CES5A: variants seen among roughly 807,000 people sequenced by gnomAD.
CES5A encodes carboxylesterase 5A.
Under a neutral mutation model 62.9 loss-of-function variants are expected in CES5A, and 67 were observed. The ratio of observed to expected loss-of-function variants is 1.07; its 90% CI spans 0.88 to 1.31. The LOEUF is 1.31. Among genes scored for constraint, CES5A ranks in the 50% most tolerant of loss-of-function variants. The pLI is 0.00. For missense variants in CES5A, 748 were observed against 708.5 expected, an observed-to-expected ratio of 1.06 and a Z score of -0.63; for synonymous variants, 296 against 280.8, an observed-to-expected ratio of 1.05 and a Z score of -0.54.
chr16:55,908,695 A>C (rs953310949), intron 1 of CES5A, among the ~76,000 whole-genome samples: 4 of 152,174 alleles, frequency 2.6e-5, no homozygotes, highest in Admixed American at 1.3e-4. Context: ...AGTCCACACT[A>C]ATCTTTCCCT....
At chr16:55,870,164 G>A (rs1253745936) in intron 3 of CES5A, among the ~76,000 whole-genome samples, 1 of 152,094 alleles carries the variant, frequency 6.6e-6, no homozygotes, top group African/African-American at 2.4e-5. Flanking sequence ...GTGACCCACG[G>A]GAAGATGGAA....
Position 55,955,166 on chromosome 16 carries a change from TGA to T in CES5A, c.42+676_42+677del, listed in dbSNP as rs1483709542. 6.6e-5 allele frequency among the ~76,000 whole-genome samples: 10 copies of T among 152,266 alleles called. No homozygotes were observed. The East Asian group carries it at 1.7e-3, about 27-fold the overall frequency. On this transcript the variant is annotated intron_variant, in intron 1 of 13. Coordinates refer to the CES5A transcript ENST00000521992. ...AGTGTACACCAAAGAAATCAGAACA[TGA>T]GAACCGCAAGAGGCTACCAAAGTCA...
intron 1 of CES5A, among the ~76,000 whole-genome samples, chr16:55,920,991 A>G (rs1277831258): frequency 7.9e-5 from 12 of 152,232 alleles, no homozygotes; most frequent in Admixed American, 7.8e-4. Flanking sequence ...AATTCATTAG[A>G]AGCTCTTCTC....
rs188414494 is a variant in CES5A, at chr16:55,865,559, C to T, written c.705+404G>A. On this transcript the variant is annotated intron_variant, in intron 5 of 12. Coordinates refer to ENST00000290567, the MANE Select transcript of CES5A (RefSeq NM_001143685.2). ...TGCAAACATAAGGCCCTGTATCAAA[C>T]TGTTGGTGAGGGAATATACATTTTA... is the stretch of plus-strand genomic sequence containing the variant. Among the ~76,000 whole-genome samples the T allele has an allele frequency of 4.3e-4, 66 of 152,276 alleles. 1 individual carries two copies. The South Asian group carries it at 7.9e-3, about 18-fold the overall frequency.
upstream of CES5A, among the ~76,000 whole-genome samples, chr16:55,926,001 A>T (rs1463469275): frequency 1.3e-5 from 2 of 152,144 alleles, no homozygotes; most frequent in Admixed American, 6.5e-5. Context: ...AGAGAAGTTG[A>T]TTAATAAGTA....
chr16:55,929,570 A>G (rs1002557777), upstream of CES5A, among the ~76,000 whole-genome samples: 1 of 152,358 alleles, frequency 6.6e-6, no homozygotes, highest in Middle Eastern at 3.4e-3. Flanking sequence ...GCCAGGCCCA[A>G]CATTTATGGA....
At chr16:55,914,588 C>T (rs966869009) in intron 1 of CES5A, among the ~76,000 whole-genome samples, 1 of 152,148 alleles carries the variant, frequency 6.6e-6, no homozygotes, top group African/African-American at 2.4e-5. Flanking sequence ...GCTAAGGACA[C>T]CCAGGGTTCT....
chr16:55,948,268 G>C (rs2034518104), intron 2 of CES5A, among the ~76,000 whole-genome samples: 1 of 152,100 alleles, frequency 6.6e-6, no homozygotes. Context: ...GGAAAAAAAA[G>C]AGGGAGGATA....
chr16:55,888,563 C>T lies in CES5A; in HGVS notation c.-255-14526G>A, dbSNP rs547792737. 3.9e-5 allele frequency among the ~76,000 whole-genome samples: 6 copies of T among 152,324 alleles called. No homozygotes were observed. The South Asian group carries it at 1.0e-3, about 26-fold the overall frequency. ...CATCCACTACCCTGTCTCATGTTCC[C>T]TTATTCCCTTATTCCTGGGATTGTC... On this transcript the variant is annotated intron_variant, in intron 1 of 12. Transcript: ENST00000518005.
chr16:55,859,586 G>A lies in CES5A; in HGVS notation c.1017C>T (p.Ile339=), dbSNP rs776403680. Residue 339 remains isoleucine (I), a synonymous_variant, in exon 8 of 13, where the codon ATC becomes ATT. Transcript: ENST00000290567. ...AGCCACACTCGTGGTTATTGACTCCGATGATGGAAGGAATTGCTTTAAATG... is the reference window on the plus strand; with the variant it reads ...AGCCACACTCGTGGTTATTGACTCCAATGATGGAAGGAATTGCTTTAAATG... ...QKAFKAIPSI[I]GVNNHECGFL... 3.0e-5 allele frequency: 49 copies of A among 1,613,610 alleles called. No individual in the cohort carries two copies. The East Asian group carries it at 5.6e-4, about 18-fold the overall frequency.
upstream of CES5A, among the ~76,000 whole-genome samples, chr16:55,928,120 A>G (rs574935650): frequency 2.0e-4 from 31 of 152,094 alleles, no homozygotes; most frequent in African/African-American, 6.7e-4. Flanking sequence ...GCAGGTGCCT[A>G]TAGTCCCAGC....
intron 7 of CES5A, among the ~76,000 whole-genome samples, chr16:55,860,451 G>A (rs796160213): frequency 7.3e-6 from 1 of 136,154 alleles, no homozygotes; most frequent in South Asian, 2.3e-4. Context: ...TCTGGGGTTG[G>A]GGTGTATAGC....
chr16:55,851,204 CCGGCA>C (rs2033125514), intron 10 of CES5A, among the ~76,000 whole-genome samples: 1 of 151,940 alleles, frequency 6.6e-6, no homozygotes, highest in East Asian at 1.9e-4. Context: ...AGAAGGCAAC[CCGGCA>C]ACCCACAGAA....
At chr16:55,940,790 TAAA>T (rs147063205) in intron 2 of CES5A, among the ~76,000 whole-genome samples, 2 of 151,494 alleles carry the variant, frequency 1.3e-5, no homozygotes, top group Non-Finnish European at 3.0e-5. Context: ...GCAACCAAAT[TAAA>T]AAAACACATA....
At chr16:55,913,843 C>T (rs1253134403) in intron 1 of CES5A, among the ~76,000 whole-genome samples, 1 of 152,140 alleles carries the variant, frequency 6.6e-6, no homozygotes, top group Non-Finnish European at 1.5e-5. Context: ...GCATCTACTG[C>T]CATATGGTGC....
intron 2 of CES5A, among the ~76,000 whole-genome samples, chr16:55,940,041 A>G (rs752829383): frequency 6.6e-6 from 1 of 152,174 alleles, no homozygotes; most frequent in Non-Finnish European, 1.5e-5. Flanking sequence ...ATGAAAATTT[A>G]TAGTATTGGT....
At chr16:55,861,262 C>A in intron 7 of CES5A, 150 bp downstream of exon 7, 2 of 614,354 alleles carry the variant, frequency 3.3e-6, no homozygotes, top group South Asian at 4.0e-5. Flanking sequence ...GGTTCTATAT[C>A]CCTACTTATT....
At chr16:55,953,148 T>G (rs2034576235) in intron 1 of CES5A, among the ~76,000 whole-genome samples, 1 of 152,198 alleles carries the variant, frequency 6.6e-6, no homozygotes, top group South Asian at 2.1e-4. Flanking sequence ...TAAAATTTAA[T>G]GTAATTTAAC....
chr16:55,946,721 A>G (rs1401869890), intron 2 of CES5A, among the ~76,000 whole-genome samples: 2 of 152,248 alleles, frequency 1.3e-5, no homozygotes, highest in East Asian at 3.8e-4. Flanking sequence ...CAGTGCTTAC[A>G]GCATTCAGTT....
Sources: gnomAD v4.1 joint callset for allele counts (sites outside exome capture counted in the v4.1 genomes callset) on GRCh38, gnomAD v4.1.1 for gene constraint, MANE v1.5 for transcripts, NCBI Gene and HGNC (gene_info 2026-07-23, HGNC 2026-07-21) for gene names.